PAPSS2: variants seen among roughly 807,000 people sequenced by gnomAD.
PAPSS2 encodes the protein 3'-phosphoadenosine 5'-phosphosulfate synthase 2.
A neutral mutation model predicts 66.5 loss-of-function variants in PAPSS2; 61 were observed. That is an observed-to-expected ratio of 0.92 (90% CI 0.75 to 1.14). The LOEUF (loss-of-function observed/expected upper bound fraction) is 1.14, where lower values mean the gene tolerates loss of function less well. Among genes scored for constraint, PAPSS2 ranks in the 50% most tolerant of loss-of-function variants. The pLI is 0.00. For missense variants in PAPSS2, 708 were observed against 789.6 expected, an observed-to-expected ratio of 0.90 and a Z score of 1.24; for synonymous variants, 289 against 287.5, an observed-to-expected ratio of 1.01 and a Z score of -0.05.
At chr10:87,691,927 A>G (rs1853176102) in intron 1 of PAPSS2, among the ~76,000 whole-genome samples, 1 of 152,130 alleles carries the variant, frequency 6.6e-6, no homozygotes, top group African/African-American at 2.4e-5. Flanking sequence ...GTGACAGAGT[A>G]AGCAAGACCC....
intron 2 of PAPSS2, among the ~76,000 whole-genome samples, chr10:87,711,524 T>A (rs1449925314): frequency 6.6e-6 from 1 of 152,206 alleles, no homozygotes; most frequent in African/African-American, 2.4e-5. Context: ...CCCCACAACC[T>A]GACATAAATA....
intron 1 of PAPSS2, among the ~76,000 whole-genome samples, chr10:87,694,670 G>A (rs1028569889): frequency 1.4e-4 from 21 of 152,236 alleles, no homozygotes; most frequent in South Asian, 2.1e-4. Context: ...CCGGCTTAGC[G>A]GAGGGCCTTA....
At chr10:87,677,692 G>A (rs1185223023) in intron 1 of PAPSS2, among the ~76,000 whole-genome samples, 1 of 152,104 alleles carries the variant, frequency 6.6e-6, no homozygotes, top group Non-Finnish European at 1.5e-5. Context: ...ATTTCAAAAT[G>A]TTGTCCAGTA....
chr10:87,677,292 T>C (rs1228685433), intron 1 of PAPSS2, among the ~76,000 whole-genome samples: 1 of 152,236 alleles, frequency 6.6e-6, no homozygotes, highest in African/African-American at 2.4e-5. Context: ...TTTTTCTGAT[T>C]TACAGTTGTG....
intron 1 of PAPSS2, among the ~76,000 whole-genome samples, chr10:87,690,391 G>A (rs1853157839): frequency 1.3e-5 from 2 of 152,152 alleles, no homozygotes; most frequent in South Asian, 4.1e-4. Flanking sequence ...AACTGACAGA[G>A]CATGTAAGGA....
chr10:87,688,435 C>A (rs1278977807), intron 1 of PAPSS2, among the ~76,000 whole-genome samples: 1 of 84,906 alleles, frequency 1.2e-5, no homozygotes, highest in Non-Finnish European at 2.3e-5. Flanking sequence ...ATGGAAATTT[C>A]TTTTTTATTT....
rs1853934703 is a variant in PAPSS2, at chr10:87,746,046, T to C, written c.*76T>C. 1 of 1,409,120 alleles carries C rather than the reference T, an allele frequency of 7.1e-7. No individual in the cohort carries two copies. Among genetic ancestry groups the C allele is most frequent in the Non-Finnish European group, 1.0e-6 (1 of 999,686 alleles). The allele number at this position is 1,409,120 out of a possible 1,614,324, so 87.3% of individuals were successfully genotyped here. ...ATTTTTATGATTAGATGCTTTGTATTAAATTGCTTCTCAATGATGCATTTT... is the reference window on the plus strand; with the variant it reads ...ATTTTTATGATTAGATGCTTTGTATCAAATTGCTTCTCAATGATGCATTTT... On this transcript the variant is annotated 3_prime_UTR_variant, in exon 13 of 13. Transcript: ENST00000456849.
At chr10:87,681,943 G>A (rs1853026930) in intron 1 of PAPSS2, among the ~76,000 whole-genome samples, 1 of 152,144 alleles carries the variant, frequency 6.6e-6, no homozygotes, top group African/African-American at 2.4e-5. Context: ...CCATTAACAG[G>A]TTGATGGACA....
intron 1 of PAPSS2, among the ~76,000 whole-genome samples, chr10:87,666,344 A>T (rs572972367): frequency 6.6e-6 from 1 of 152,290 alleles, no homozygotes; most frequent in East Asian, 1.9e-4. Flanking sequence ...TGAATAACCT[A>T]CCCATCACTG....
intron 9 of PAPSS2, among the ~76,000 whole-genome samples, chr10:87,736,425 G>C (rs200387512): frequency 6.6e-6 from 1 of 151,766 alleles, no homozygotes. Context: ...CCGCCACCAG[G>C]CCTGGCTATT....
rs1403071997 is a variant in PAPSS2 at position 87,660,013 on chromosome 10, G to A, written c.27+5G>A. The A allele has an allele frequency of 6.2e-7, 1 of 1,612,172 alleles. No homozygotes were observed. ...GGGATCAAGAAGCAAAAGACGGTAG[G>A]CTTCCAGGCGCCGGCTTCCCTCCCC... On this transcript the variant is annotated splice_donor_5th_base_variant and intron_variant, in intron 1 of 12. Transcript: ENST00000456849.
At chr10:87,717,506 G>C (rs1564722595) in intron 7 of PAPSS2, among the ~76,000 whole-genome samples, 1 of 152,072 alleles carries the variant, frequency 6.6e-6, no homozygotes, top group Non-Finnish European at 1.5e-5. Flanking sequence ...GGGAAGGAAG[G>C]AGCATTTTCC....
chr10:87,727,594 G>A (rs549724201), intron 9 of PAPSS2, 105 bp downstream of exon 9: 9 of 959,458 alleles, frequency 9.4e-6, no homozygotes, highest in East Asian at 2.6e-5. Flanking sequence ...ACTGGGATTA[G>A]GTGGAAGAAT....
At chr10:87,687,356 G>A (rs764676328) in intron 1 of PAPSS2, among the ~76,000 whole-genome samples, 17 of 152,200 alleles carry the variant, frequency 1.1e-4, no homozygotes, top group Non-Finnish European at 2.5e-4. Flanking sequence ...AAAAGTTATT[G>A]TGGCTAATAC....
chr10:87,664,850 C>T (rs1168865899), intron 1 of PAPSS2, among the ~76,000 whole-genome samples: 1 of 152,098 alleles, frequency 6.6e-6, no homozygotes, highest in East Asian at 1.9e-4. Flanking sequence ...TCTATTAGCC[C>T]CTAGGTGATT....
chr10:87,724,952 A>G (rs1056819529), intron 8 of PAPSS2, among the ~76,000 whole-genome samples: 3 of 151,078 alleles, frequency 2.0e-5, no homozygotes, highest in African/African-American at 7.3e-5. Flanking sequence ...GAAAACTGGG[A>G]GGCTGGGGAC....
intron 1 of PAPSS2, among the ~76,000 whole-genome samples, chr10:87,693,152 T>G (rs1373363015): frequency 6.6e-6 from 1 of 152,130 alleles, no homozygotes; most frequent in Non-Finnish European, 1.5e-5. Flanking sequence ...GATGACTGGG[T>G]GGGAGACTGT....
chr10:87,698,596 A>T (rs940951705), intron 1 of PAPSS2, among the ~76,000 whole-genome samples: 43 of 152,240 alleles, frequency 2.8e-4, no homozygotes, highest in Admixed American at 2.6e-3. Flanking sequence ...TGTTTGCATG[A>T]TAAGTAAATG....
In PAPSS2 at chr10:87,746,083, A is replaced by C; in HGVS notation, c.*113A>C. The C allele has an allele frequency of 1.0e-6, 1 of 986,342 alleles. No homozygotes were observed. Among genetic ancestry groups the C allele is most frequent in the Non-Finnish European group, 1.5e-6 (1 of 649,462 alleles). The allele number at this position is 986,342 out of a possible 1,614,324, so 61.1% of individuals were successfully genotyped here. On this transcript the variant is annotated 3_prime_UTR_variant, in exon 13 of 13. Transcript: ENST00000456849. The stretch of plus-strand genomic sequence containing the variant: ...CAATGATGCATTTTAATCTTTTATA[A>C]TGAAGTAAAAGTTGTGTCTATAATT...
Sources: gnomAD v4.1 joint callset for allele counts (sites outside exome capture counted in the v4.1 genomes callset) on GRCh38, gnomAD v4.1.1 for gene constraint, MANE v1.5 for transcripts, NCBI Gene and HGNC (gene_info 2026-07-23, HGNC 2026-07-21) for gene names.